The following SGPP2 variants were observed in gnomAD, a reference collection of about 807,000 sequenced individuals.
SGPP2 encodes sphingosine 1-phosphate phosphohydrolase 2.
SGPP2 carries 30 observed loss-of-function variants against 33.9 expected under a neutral mutation model. The ratio of observed to expected loss-of-function variants is 0.89; its 90% CI spans 0.66 to 1.20. The LOEUF (loss-of-function observed/expected upper bound fraction) is 1.20, where lower values mean the gene tolerates loss of function less well. Ranked by LOEUF, SGPP2 falls within the 50% of genes most tolerant of loss-of-function variation. The pLI is 0.00. For synonymous variants in SGPP2, 233 were observed against 225.0 expected (o/e 1.04, Z -0.32); for missense variants, 458 against 532.1 (o/e 0.86, Z 1.37).
At chr2:222,534,472 T>A (rs1382457508) in intron 4 of SGPP2, among the ~76,000 whole-genome samples, 2 of 152,212 alleles carry the variant, frequency 1.3e-5, no homozygotes, top group Non-Finnish European at 2.9e-5. Flanking sequence ...CCTCCCAACT[T>A]TTGTTTTAGT....
At chr2:222,526,382 C>T (rs1467210345) in intron 4 of SGPP2, among the ~76,000 whole-genome samples, 1 of 152,188 alleles carries the variant, frequency 6.6e-6, no homozygotes, top group African/African-American at 2.4e-5. Flanking sequence ...GTAATTTTAC[C>T]TCCCAAGGCA....
At chr2:222,509,211 A>G (rs1698489084) in intron 2 of SGPP2, among the ~76,000 whole-genome samples, 1 of 152,156 alleles carries the variant, frequency 6.6e-6, no homozygotes, top group Non-Finnish European at 1.5e-5. Flanking sequence ...TGTTGATTTG[A>G]GAAGCTTCCA....
At chr2:222,453,570 A>G (rs1210800508) in intron 1 of SGPP2, among the ~76,000 whole-genome samples, 2 of 152,072 alleles carry the variant, frequency 1.3e-5, no homozygotes, top group African/African-American at 4.8e-5. Flanking sequence ...CCTACTCAAC[A>G]TGAAGACAAG....
In SGPP2 at chr2:222,487,607, C is replaced by T. The variant is rs1574856545; in HGVS notation, c.378+12881C>T. 2.0e-5 allele frequency among the ~76,000 whole-genome samples: 3 copies of T among 152,282 alleles called. No homozygotes were observed. The South Asian group carries it at 6.2e-4, about 32-fold the overall frequency. On this transcript the variant is annotated intron_variant, in intron 2 of 4. Transcript: ENST00000321276. ...CCCCTATTAACCTCACTAGAGAAGA[C>T]ACCAGGTTCAGGAGGCCAAAGAAGA...
intron 1 of SGPP2, chr2:222,452,288 C>G: frequency 7.4e-6 from 4 of 541,464 alleles, no homozygotes; most frequent in South Asian, 5.3e-5. Context: ...TAATGGAAAC[C>G]AGAACATGTG....
At chr2:222,452,799 G>GAC in intron 1 of SGPP2, 2 of 1,574,598 alleles carry the variant, frequency 1.3e-6, no homozygotes, top group East Asian at 4.5e-5. Context: ...GGTAGGTGCT[G>GAC]AGGCCTGAGT....
At chr2:222,440,313 T>C (rs1304760496) in intron 1 of SGPP2, among the ~76,000 whole-genome samples, 1 of 151,476 alleles carries the variant, frequency 6.6e-6, no homozygotes, top group Non-Finnish European at 1.5e-5. Context: ...CAGACTTGTT[T>C]TATAGCCTCA....
intron 2 of SGPP2, among the ~76,000 whole-genome samples, chr2:222,488,423 G>A (rs1287366709): frequency 2.6e-5 from 4 of 152,192 alleles, no homozygotes; most frequent in East Asian, 1.9e-4. Context: ...GCAAGGGATC[G>A]AGGTTGTGCA....
At chr2:222,439,974 A>C (rs1212447675) in intron 1 of SGPP2, among the ~76,000 whole-genome samples, 2 of 152,234 alleles carry the variant, frequency 1.3e-5, no homozygotes, top group Non-Finnish European at 2.9e-5. Flanking sequence ...GGTGAAGGGT[A>C]TATGGGACAA....
At chr2:222,442,268 T>C (rs6734637) in intron 1 of SGPP2, among the ~76,000 whole-genome samples, 116,902 of 152,074 alleles carry the variant, frequency 0.77, 45,087 homozygotes, top group Middle Eastern at 0.9. Flanking sequence ...AATTGTTGTA[T>C]GTCATTGTTT....
rs772044495 is a variant in SGPP2, at chr2:222,477,151, CTGTG to C, written c.378+2433_378+2436del. Among the ~76,000 whole-genome samples, 2 of 134,286 alleles carry C rather than the reference CTGTG, an allele frequency of 1.5e-5. No homozygotes were observed. Among genetic ancestry groups the C allele is most frequent in the Admixed American group, 7.4e-5 (1 of 13,536 alleles). 88.1% of individuals were successfully genotyped at this position (134,286 alleles called of 152,430 possible). A position where few individuals can be genotyped will look rare whatever the true frequency, so the allele number is the denominator to read the frequency against. ...TGTGTGTATATAGGTGTGTATATATCTGTGTGTGTGTATAGGTGTGTGTATATGT... is the reference window on the plus strand; with the variant it reads ...TGTGTGTATATAGGTGTGTATATATCTGTGTGTATAGGTGTGTGTATATGT... On this transcript the variant is annotated intron_variant, in intron 2 of 4. Coordinates refer to ENST00000321276, the MANE Select transcript of SGPP2 (RefSeq NM_152386.4). This position sits in a 1 kb window ranked among gnomAD's most constrained non-coding sequence, Gnocchi z 6.0.
rs562870917 is a variant in SGPP2 at position 222,472,946 on chromosome 2, A to G, written c.220-1622A>G. 5.7e-4 allele frequency among the ~76,000 whole-genome samples: 87 copies of G among 152,258 alleles called. 1 individual carries two copies. Among genetic ancestry groups the G allele is most frequent in the Non-Finnish European group, 1.1e-3 (72 of 68,000 alleles). On this transcript the variant is annotated intron_variant, in intron 1 of 4. Coordinates refer to ENST00000321276, the MANE Select transcript of SGPP2 (RefSeq NM_152386.4). ...GGAGAATCGCTTGAACCTGGGAGGC[A>G]GAGGTTGCAGTGAGCCAAGATAGTG...
rs1375365163 is a variant in SGPP2 at position 222,445,687 on chromosome 2, C to T, written c.219+20866C>T. On this transcript the variant is annotated intron_variant, in intron 1 of 4. Transcript: ENST00000321276. Reference sequence around the variant, plus strand: ...TTAGACCATACAGAGCTGCCGCTCTCGATGGGAGGATGTGTGGAAAAGGCT... The same window carrying T: ...TTAGACCATACAGAGCTGCCGCTCTTGATGGGAGGATGTGTGGAAAAGGCT... 6.6e-5 allele frequency among the ~76,000 whole-genome samples: 10 copies of T among 152,130 alleles called. No individual in the cohort carries two copies. In the East Asian group the frequency reaches 1.7e-3, roughly 26 times the overall value.
intron 1 of SGPP2, among the ~76,000 whole-genome samples, chr2:222,446,050 A>G (rs4508584): frequency 0.77 from 117,200 of 152,190 alleles, 45,285 homozygotes; most frequent in Middle Eastern, 0.9. Flanking sequence ...AGGAACGAGT[A>G]GAAATAAAGT....
At chr2:222,426,827 T>G (rs994306984) in intron 1 of SGPP2, among the ~76,000 whole-genome samples, 7 of 151,750 alleles carry the variant, frequency 4.6e-5, no homozygotes, top group African/African-American at 1.7e-4. Context: ...AATTATCTCT[T>G]ATCTACACTC....
intron 4 of SGPP2, among the ~76,000 whole-genome samples, chr2:222,544,291 C>A (rs1209984042): frequency 6.6e-6 from 1 of 152,148 alleles, no homozygotes; most frequent in East Asian, 1.9e-4. Context: ...TACTATGCCT[C>A]CAACATGTTC....
At chr2:222,540,816 T>C (rs960835778) in intron 4 of SGPP2, among the ~76,000 whole-genome samples, 11 of 135,080 alleles carry the variant, frequency 8.1e-5, no homozygotes, top group African/African-American at 8.4e-5. Context: ...GCTTATAAAC[T>C]GTTTTTTTTT....
chr2:222,460,711 C>T lies in SGPP2; in HGVS notation c.220-13857C>T, dbSNP rs1395519307. ...CCTACGACTCCCTTTACAAATCCCT[C>T]ACACCCTGGCTGCTCTGTCGTGGAC... On this transcript the variant is annotated intron_variant, in intron 1 of 4. Transcript: ENST00000321276. This position sits in a 1 kb window ranked among gnomAD's most constrained non-coding sequence, Gnocchi z 4.3. 6.6e-6 allele frequency among the ~76,000 whole-genome samples: 1 copy of T among 152,174 alleles called. No homozygotes were observed. The highest frequency in any genetic ancestry group is 1.5e-5 in the Non-Finnish European group (1 of 68,036).
chr2:222,428,896 A>T (rs899112820), intron 1 of SGPP2, among the ~76,000 whole-genome samples: 2 of 142,600 alleles, frequency 1.4e-5, no homozygotes, highest in African/African-American at 2.6e-5. Flanking sequence ...GATTCAAACG[A>T]TTCTCCTGCC....
Sources: allele counts gnomAD v4.1 joint callset (sites outside exome capture counted in the v4.1 genomes callset), GRCh38; gene constraint gnomAD v4.1.1; non-coding constraint Gnocchi (gnomAD v3.1); transcripts MANE v1.5; gene names NCBI Gene and HGNC (gene_info 2026-07-23, HGNC 2026-07-21).